AFF2: variants seen among roughly 807,000 people sequenced by gnomAD.
The protein encoded by AFF2 is ALF transcription elongation factor 2.
AFF2 carries 14 observed loss-of-function variants against 76.9 expected under a neutral mutation model. The observed-to-expected ratio is 0.18, with a 90% CI of 0.12 to 0.28. AFF2 has a LOEUF of 0.28. AFF2 is among the 10% of genes least tolerant of loss of function. The pLI, the probability that AFF2 is intolerant of heterozygous loss-of-function variation, is 1.00. For synonymous variants in AFF2, 398 were observed against 366.7 expected (o/e 1.09, Z -0.98); for missense variants, 868 against 1,001.1 (o/e 0.87, Z 1.79).
chrX:148,991,378 T>C lies in AFF2; in HGVS notation c.*46T>C. On this transcript the variant is annotated 3_prime_UTR_variant, in exon 21 of 21. Transcript: ENST00000370460. The stretch of plus-strand genomic sequence containing the variant: ...GCATCACGACCCATCACTCTACCTC[T>C]ACCAGCGCACTGATGGTCACTGGTG... The C allele has an allele frequency of 8.7e-7, 1 of 1,147,732 alleles. No individual in the cohort carries two copies. Among genetic ancestry groups the C allele is most frequent in the Non-Finnish European group, 1.2e-6 (1 of 856,669 alleles). The allele number at this position is 1,147,732 out of a possible 1,213,427, so 94.6% of individuals were successfully genotyped here.
chrX:148,551,482 GAAAAAAAAA>G (rs781883999), intron 1 of AFF2, among the ~76,000 whole-genome samples: 4 of 38,012 alleles, frequency 1.1e-4, no homozygotes, highest in African/African-American at 9.5e-5. Flanking sequence ...GCTGGGAAGT[GAAAAAAAAA>G]AAAAAAAAAA....
rs2072561292 is a variant in AFF2, at chrX:148,993,841, A to C, written c.*2509A>C. The C allele has an allele frequency of 1.8e-5, 2 of 112,340 alleles. No homozygotes were observed. The highest frequency in any genetic ancestry group is 1.9e-4 in the Admixed American group (2 of 10,599). The allele number at this position is 112,340 out of a possible 1,213,427, so 9.3% of individuals were successfully genotyped here. A position where few individuals can be genotyped will look rare whatever the true frequency, so the allele number is the denominator to read the frequency against. Reference sequence around the variant, plus strand: ...AGGAACTAATTAAACATGGAGGATGAATTACCTTCCTATCCCTTGAGATAA... The same window carrying C: ...AGGAACTAATTAAACATGGAGGATGCATTACCTTCCTATCCCTTGAGATAA... On this transcript the variant is annotated 3_prime_UTR_variant, in exon 21 of 21. Transcript: ENST00000370460.
chrX:148,606,534 T>G (rs1557248814), intron 1 of AFF2, among the ~76,000 whole-genome samples: 1 of 110,529 alleles, frequency 9.0e-6, no homozygotes, highest in Non-Finnish European at 1.9e-5. Context: ...TGTGGATAGA[T>G]TTGTAAAATT....
chrX:148,958,364 G>A lies in AFF2; in HGVS notation c.2596G>A (p.Glu866Lys). 2 of 1,211,373 alleles carry A rather than the reference G, an allele frequency of 1.7e-6. No individual in the cohort carries two copies. Among genetic ancestry groups the A allele is most frequent in the Admixed American group, 4.3e-5 (2 of 46,041 alleles). Residue 866 changes from glutamate to lysine, a missense_variant, in exon 12 of 21, where the codon GAG becomes AAG. Glu to Lys is a moderately conservative substitution (Grantham distance 56). Coordinates refer to ENST00000370460, the MANE Select transcript of AFF2 (RefSeq NM_002025.4). ...KPIEVAEKIP[E>K]KKQRLEEATT... is the part of the protein sequence containing the mutation. Reference sequence around the variant, plus strand: ...AATAGAAGTTGCAGAGAAGATCCCTGAGAAGAAGCAGCGCCTGGAGGAGGC... The same window carrying A: ...AATAGAAGTTGCAGAGAAGATCCCTAAGAAGAAGCAGCGCCTGGAGGAGGC...
intron 1 of AFF2, among the ~76,000 whole-genome samples, chrX:148,562,311 G>T (rs2053122622): frequency 8.9e-6 from 1 of 112,032 alleles, no homozygotes; most frequent in African/African-American, 3.2e-5. Context: ...GCTGAATGGT[G>T]AGTAAAAGTC....
At chrX:148,866,117 T>G (rs2070902897) in intron 7 of AFF2, among the ~76,000 whole-genome samples, 1 of 111,727 alleles carries the variant, frequency 9.0e-6, no homozygotes. Context: ...CTTTCCAGGA[T>G]AAGGGGAGAG....
intron 8 of AFF2, among the ~76,000 whole-genome samples, chrX:148,890,461 G>C (rs1286679906): frequency 1.8e-5 from 2 of 112,166 alleles, no homozygotes; most frequent in African/African-American, 6.5e-5. Context: ...AGGATCCATA[G>C]GGAAATAGAC....
At chrX:148,881,869 C>T (rs1226430613) in intron 7 of AFF2, among the ~76,000 whole-genome samples, 13 of 110,839 alleles carry the variant, frequency 1.2e-4, no homozygotes, top group Non-Finnish European at 2.5e-4. Context: ...TAAAAATTGT[C>T]CAGAGTAGGT....
intron 3 of AFF2, among the ~76,000 whole-genome samples, chrX:148,697,876 A>G (rs1257029932): frequency 8.9e-6 from 1 of 112,222 alleles, no homozygotes; most frequent in Non-Finnish European, 1.9e-5. Context: ...TGATATGACT[A>G]TAGCTGGTTT....
chrX:148,560,254 G>A (rs6654981), intron 1 of AFF2, among the ~76,000 whole-genome samples: 3,172 of 111,195 alleles, frequency 0.029, 111 homozygotes, highest in African/African-American at 0.096. Flanking sequence ...ACATCTACAA[G>A]CATCTGATCT....
At chrX:148,838,144 T>G (rs1603309817) in intron 5 of AFF2, among the ~76,000 whole-genome samples, 1 of 112,386 alleles carries the variant, frequency 8.9e-6, no homozygotes, top group Middle Eastern at 4.6e-3. Flanking sequence ...AGACAGATCT[T>G]TACAAAACAC....
intron 3 of AFF2, among the ~76,000 whole-genome samples, chrX:148,696,282 C>T (rs1557261263): frequency 9.3e-6 from 1 of 106,985 alleles, no homozygotes; most frequent in African/African-American, 3.4e-5. Context: ...GGGAGCATCA[C>T]ACACCGGGGA....
chrX:148,652,528 G>A (rs1367199379), intron 2 of AFF2, among the ~76,000 whole-genome samples: 1 of 111,904 alleles, frequency 8.9e-6, no homozygotes, highest in Non-Finnish European at 1.9e-5. Flanking sequence ...TCCATTGCAA[G>A]GCCACTGTTT....
chrX:148,643,890 A>C (rs2054115240), intron 1 of AFF2, among the ~76,000 whole-genome samples: 1 of 111,673 alleles, frequency 9.0e-6, no homozygotes, highest in African/African-American at 3.3e-5. Flanking sequence ...ATTTAATTTC[A>C]CTGGAGAGGT....
Position 148,713,241 on chromosome X carries a change from C to A in AFF2, c.1041+50473C>A, listed in dbSNP as rs375894147. On this transcript the variant is annotated intron_variant, in intron 3 of 20. Coordinates refer to ENST00000370460, the MANE Select transcript of AFF2 (RefSeq NM_002025.4). ...GGTAGGTAGAGAACAGGTCTTGGAG[C>A]AGCATCTTGCAGACCATTTATAAGG... is the stretch of plus-strand genomic sequence containing the variant. Among the ~76,000 whole-genome samples, 42 of 111,442 alleles carry A rather than the reference C, an allele frequency of 3.8e-4. No individual in the cohort carries two copies. In the East Asian group the frequency reaches 0.011, roughly 30 times the overall value.
Position 148,713,727 on chromosome X carries a change from G to A in AFF2, c.1041+50959G>A, listed in dbSNP as rs141281655. Among the ~76,000 whole-genome samples, 652 of 111,591 alleles carry A rather than the reference G, an allele frequency of 5.8e-3. 3 individuals are homozygous for A. Among genetic ancestry groups the A allele is most frequent in the Admixed American group, 9.8e-3 (103 of 10,472 alleles). Reference sequence around the variant, plus strand: ...TCTTGAGTCCAAAAATCAATGTGAGGTAGTCAGTTCTCAAATAAAAGAGAT... The same window carrying A: ...TCTTGAGTCCAAAAATCAATGTGAGATAGTCAGTTCTCAAATAAAAGAGAT... On this transcript the variant is annotated intron_variant, in intron 3 of 20. Transcript: ENST00000370460.
intron 1 of AFF2, among the ~76,000 whole-genome samples, chrX:148,596,604 A>G (rs2053574495): frequency 8.9e-6 from 1 of 112,318 alleles, no homozygotes; most frequent in Non-Finnish European, 1.9e-5. Context: ...CTCACTTTTT[A>G]GTATTTCAGC....
At chrX:148,721,903 G>A (rs188414471) in intron 3 of AFF2, among the ~76,000 whole-genome samples, 21 of 111,534 alleles carry the variant, frequency 1.9e-4, no homozygotes, top group East Asian at 1.4e-3. Context: ...GGTGTGTGTC[G>A]ATGCCCAAAT....
intron 3 of AFF2, among the ~76,000 whole-genome samples, chrX:148,731,038 G>C (rs2055213582): frequency 9.0e-6 from 1 of 111,725 alleles, no homozygotes; most frequent in Non-Finnish European, 1.9e-5. Flanking sequence ...ACCATTTCAA[G>C]GTATGGCATC....
Sources: allele counts gnomAD v4.1 joint callset (sites outside exome capture counted in the v4.1 genomes callset), GRCh38; gene constraint gnomAD v4.1.1; transcripts MANE v1.5; gene names NCBI Gene and HGNC (gene_info 2026-07-23, HGNC 2026-07-21).